The following ZFPM2 variants were observed in gnomAD, a reference collection of about 807,000 sequenced individuals.
ZFPM2 encodes the protein zinc finger protein ZFPM2.
Under a neutral mutation model 98.6 loss-of-function variants are expected in ZFPM2, and 20 were observed. That is an observed-to-expected ratio of 0.20 (90% CI 0.14 to 0.29). The LOEUF (loss-of-function observed/expected upper bound fraction) is 0.29, where lower values mean the gene tolerates loss of function less well. Ranked by LOEUF, ZFPM2 falls within the 10% of genes least tolerant of loss-of-function variation. The pLI is 1.00. For missense variants in ZFPM2, 1,310 were observed against 1,388.6 expected (o/e 0.94, Z 0.90); for synonymous variants, 518 against 502.7 (o/e 1.03, Z -0.41).
chr8:105,573,454 A>C (rs969606813), intron 4 of ZFPM2, among the ~76,000 whole-genome samples: 14 of 152,352 alleles, frequency 9.2e-5, no homozygotes, highest in African/African-American at 3.4e-4. Context: ...CCATGGGAGC[A>C]ATCACAAAAG....
At chr8:105,463,449 G>T (rs1199202246) in intron 3 of ZFPM2, among the ~76,000 whole-genome samples, 1 of 151,408 alleles carries the variant, frequency 6.6e-6, no homozygotes. Context: ...CTCTTTGAAG[G>T]AAAGAAAGGA....
At chr8:105,757,018 C>T (rs568538606) in intron 5 of ZFPM2, among the ~76,000 whole-genome samples, 1 of 152,116 alleles carries the variant, frequency 6.6e-6, no homozygotes, top group East Asian at 1.9e-4. Context: ...ACAGCTAATA[C>T]AAAGTGACAG....
Position 105,790,264 on chromosome 8 carries a change from A to G in ZFPM2, c.739+1340A>G, listed in dbSNP as rs774777966. Among the ~76,000 whole-genome samples, 593 of 150,814 alleles carry G rather than the reference A, an allele frequency of 3.9e-3. 5 individuals carry two copies. The highest frequency in any genetic ancestry group is 0.013 in the African/African-American group (517 of 41,244). Reference sequence around the variant, plus strand: ...ATCCATCTTGAATTGATTTTTGTATAAGGTGTAAGGAAGGGATCCAGTTTC... The same window carrying G: ...ATCCATCTTGAATTGATTTTTGTATGAGGTGTAAGGAAGGGATCCAGTTTC... On this transcript the variant is annotated intron_variant, in intron 6 of 7. Coordinates refer to ENST00000407775, the MANE Select transcript of ZFPM2 (RefSeq NM_012082.4).
intron 5 of ZFPM2, among the ~76,000 whole-genome samples, chr8:105,727,647 A>G (rs1267735487): frequency 6.6e-6 from 1 of 151,736 alleles, no homozygotes; most frequent in Non-Finnish European, 1.5e-5. Context: ...TGTTCAGGTT[A>G]CAAACTAATT....
chr8:105,526,993 G>A (rs2130568178), intron 3 of ZFPM2, among the ~76,000 whole-genome samples: 1 of 152,156 alleles, frequency 6.6e-6, no homozygotes, highest in Non-Finnish European at 1.5e-5. Flanking sequence ...CTTCCCAGTA[G>A]TAATAGCAGC....
intron 3 of ZFPM2, among the ~76,000 whole-genome samples, chr8:105,493,584 G>C (rs1813398550): frequency 1.3e-5 from 2 of 152,284 alleles, no homozygotes; most frequent in South Asian, 4.1e-4. Flanking sequence ...TTTGTGCACT[G>C]TGGTTATCAG....
intron 3 of ZFPM2, among the ~76,000 whole-genome samples, chr8:105,519,092 G>A (rs1390364669): frequency 6.6e-6 from 1 of 152,084 alleles, no homozygotes; most frequent in Non-Finnish European, 1.5e-5. Context: ...ATGTCTTCAT[G>A]GGATGTGTAC....
intron 1 of ZFPM2, among the ~76,000 whole-genome samples, chr8:105,349,742 A>T (rs1812607394): frequency 6.6e-6 from 1 of 152,216 alleles, no homozygotes; most frequent in Non-Finnish European, 1.5e-5. Context: ...CAATATAAAC[A>T]AAAAATACAT....
At chr8:105,331,126 G>A (rs1215013668) in intron 1 of ZFPM2, among the ~76,000 whole-genome samples, 3 of 145,616 alleles carry the variant, frequency 2.1e-5, no homozygotes, top group African/African-American at 7.5e-5. Flanking sequence ...ATTCCATCTG[G>A]TTTTGAACTG....
At chr8:105,515,363 G>A (rs143370965) in intron 3 of ZFPM2, among the ~76,000 whole-genome samples, 1 of 152,256 alleles carries the variant, frequency 6.6e-6, no homozygotes, top group African/African-American at 2.4e-5. Flanking sequence ...TGTTTATTGT[G>A]TGCTATGTGC....
chr8:105,394,450 A>T (rs1442336818), intron 1 of ZFPM2, among the ~76,000 whole-genome samples: 1 of 152,228 alleles, frequency 6.6e-6, no homozygotes, highest in Admixed American at 6.5e-5. Flanking sequence ...CTATCTTAAT[A>T]GTACCTGGAA....
At chr8:105,515,340 T>G (rs972003262) in intron 3 of ZFPM2, among the ~76,000 whole-genome samples, 3 of 152,162 alleles carry the variant, frequency 2.0e-5, no homozygotes, top group Admixed American at 1.3e-4. Flanking sequence ...TAGGTATAAA[T>G]AGGAGGATTG....
At chr8:105,537,691 GAAAA>G (rs1274565600) in intron 3 of ZFPM2, among the ~76,000 whole-genome samples, 1 of 151,670 alleles carries the variant, frequency 6.6e-6, no homozygotes, top group African/African-American at 2.4e-5. Context: ...CTAAATAAAA[GAAAA>G]AGAAAGAAAT....
intron 3 of ZFPM2, among the ~76,000 whole-genome samples, chr8:105,459,324 G>A (rs369013238): frequency 1.3e-5 from 2 of 152,106 alleles, no homozygotes; most frequent in East Asian, 1.9e-4. Flanking sequence ...TGTGTGTGGT[G>A]GCAGGGGAGG....
chr8:105,794,573 C>G (rs1463631474), intron 6 of ZFPM2, among the ~76,000 whole-genome samples: 1 of 152,198 alleles, frequency 6.6e-6, no homozygotes, highest in Non-Finnish European at 1.5e-5. Flanking sequence ...TCTCAGATCT[C>G]CAGCTGCATG....
At chr8:105,709,528 C>G (rs1477390573) in intron 5 of ZFPM2, among the ~76,000 whole-genome samples, 1 of 152,032 alleles carries the variant, frequency 6.6e-6, no homozygotes, top group African/African-American at 2.4e-5. Flanking sequence ...CTCAGCTCAA[C>G]CAGATTTTTA....
chr8:105,670,128 A>G (rs1416539264), intron 5 of ZFPM2: 4 of 152,192 alleles, frequency 2.6e-5, no homozygotes, highest in Admixed American at 1.3e-4. Context: ...TGAGATAAGC[A>G]CAAGAATAAC....
chr8:105,485,257 A>G (rs148299894), intron 3 of ZFPM2, among the ~76,000 whole-genome samples: 1 of 152,204 alleles, frequency 6.6e-6, no homozygotes, highest in East Asian at 1.9e-4. Flanking sequence ...GCATCAGTCC[A>G]GGGGTTACTG....
intron 1 of ZFPM2, among the ~76,000 whole-genome samples, chr8:105,376,511 A>G (rs755137135): frequency 3.9e-5 from 6 of 152,112 alleles, no homozygotes; most frequent in Non-Finnish European, 7.4e-5. Context: ...CACTCTTCAC[A>G]TGGATCTCTA....
Sources: allele counts gnomAD v4.1 joint callset (sites outside exome capture counted in the v4.1 genomes callset), GRCh38; gene constraint gnomAD v4.1.1; transcripts MANE v1.5; gene names NCBI Gene and HGNC (gene_info 2026-07-23, HGNC 2026-07-21).